CDH13: variants seen among roughly 807,000 people sequenced by gnomAD.
The protein encoded by CDH13 is cadherin-13.
A neutral mutation model predicts 63.8 loss-of-function variants in CDH13; 24 were observed. The ratio of observed to expected loss-of-function variants is 0.38; its 90% CI spans 0.27 to 0.53. The LOEUF is 0.53. Ranked by LOEUF, CDH13 falls within the 20% of genes least tolerant of loss-of-function variation. The pLI, the probability that CDH13 is intolerant of heterozygous loss-of-function variation, is 0.85. For synonymous variants in CDH13, 503 were observed against 355.3 expected, an observed-to-expected ratio of 1.42 and a Z score of -4.67; for missense variants, 1,049 against 903.1, an observed-to-expected ratio of 1.16 and a Z score of -2.07.
chr16:82,921,962 G>C (rs2042169651), intron 2 of CDH13, among the ~76,000 whole-genome samples: 1 of 151,976 alleles, frequency 6.6e-6, no homozygotes, highest in Non-Finnish European at 1.5e-5. Context: ...CTGCTATTAA[G>C]ATTTTTAATT....
intron 11 of CDH13, among the ~76,000 whole-genome samples, chr16:83,753,180 C>T (rs529668800): frequency 6.6e-6 from 1 of 152,238 alleles, no homozygotes; most frequent in East Asian, 1.9e-4. Context: ...TTAAAAGCTC[C>T]TTTTTGCCTC....
At chr16:83,458,994 T>C (rs1469141163) in intron 6 of CDH13, among the ~76,000 whole-genome samples, 1 of 152,272 alleles carries the variant, frequency 6.6e-6, no homozygotes, top group South Asian at 2.1e-4. Flanking sequence ...ATGGGGTTTT[T>C]CTTTTTATTT....
At chr16:83,118,348 A>G (rs2035406632) in intron 3 of CDH13, among the ~76,000 whole-genome samples, 1 of 152,184 alleles carries the variant, frequency 6.6e-6, no homozygotes, top group South Asian at 2.1e-4. Flanking sequence ...TGTTGCATGT[A>G]CATCTGCTCG....
At chr16:83,720,947 C>T (rs78162838) in intron 10 of CDH13, among the ~76,000 whole-genome samples, 22,217 of 152,178 alleles carry the variant, frequency 0.15, 1,916 homozygotes, top group Middle Eastern at 0.27. Flanking sequence ...GTGTGGGAGC[C>T]ATCAGGCCCT....
chr16:83,321,908 T>G (rs2090236092), intron 5 of CDH13, among the ~76,000 whole-genome samples: 1 of 152,150 alleles, frequency 6.6e-6, no homozygotes, highest in Admixed American at 6.5e-5. Context: ...AAATTCTGTG[T>G]GACTATCTTG....
At chr16:83,166,505 G>C (rs929511739) in intron 4 of CDH13, among the ~76,000 whole-genome samples, 5 of 152,028 alleles carry the variant, frequency 3.3e-5, no homozygotes, top group Admixed American at 6.6e-5. Context: ...TATCGTCTCA[G>C]AAACATATGA....
At chr16:83,105,381 T>A (rs1263571597) in intron 3 of CDH13, among the ~76,000 whole-genome samples, 1 of 152,218 alleles carries the variant, frequency 6.6e-6, no homozygotes, top group Non-Finnish European at 1.5e-5. Context: ...ACATGTGAAG[T>A]CGAGGCTGAG....
At chr16:83,720,391 T>G (rs1909533035) in intron 10 of CDH13, among the ~76,000 whole-genome samples, 1 of 152,064 alleles carries the variant, frequency 6.6e-6, no homozygotes, top group South Asian at 2.1e-4. Context: ...TCATCAATAT[T>G]ACACCCAAGT....
intron 8 of CDH13, among the ~76,000 whole-genome samples, chr16:83,620,916 C>T (rs551903742): frequency 1.3e-5 from 2 of 152,250 alleles, no homozygotes; most frequent in South Asian, 4.1e-4. Context: ...GTCCAACATG[C>T]CCCAGACTTG....
At position 83,392,013 on chromosome 16, in the gene CDH13, G is replaced by A. The variant is rs528158378; in HGVS notation, c.781+47007G>A. On this transcript the variant is annotated intron_variant, in intron 6 of 13. Coordinates refer to ENST00000567109, the MANE Select transcript of CDH13 (RefSeq NM_001257.5). ...TGTAGTCAGGAGCTCCATGCATCGC[G>A]GGGTGTCTAACACCTAATTGTCACC... is the stretch of plus-strand genomic sequence containing the variant. 1.8e-4 allele frequency among the ~76,000 whole-genome samples: 27 copies of A among 152,180 alleles called. No homozygotes were observed. The East Asian group carries it at 2.9e-3, about 16-fold the overall frequency.
chr16:82,937,290 T>A (rs1465865325), intron 2 of CDH13, among the ~76,000 whole-genome samples: 4 of 152,188 alleles, frequency 2.6e-5, no homozygotes, highest in Non-Finnish European at 4.4e-5. Flanking sequence ...CAAAGCTGTT[T>A]CCTTACTTCC....
intron 1 of CDH13, among the ~76,000 whole-genome samples, chr16:82,634,683 A>G (rs2150873298): frequency 6.6e-6 from 1 of 152,342 alleles, no homozygotes; most frequent in South Asian, 2.1e-4. Context: ...AGTATTTACT[A>G]TTTAGTCCCT....
intron 5 of CDH13, among the ~76,000 whole-genome samples, chr16:83,221,833 G>C (rs1309801877): frequency 6.6e-6 from 1 of 152,090 alleles, no homozygotes; most frequent in Non-Finnish European, 1.5e-5. Flanking sequence ...GAAGAGAGGA[G>C]CATATGGAAG....
intron 6 of CDH13, among the ~76,000 whole-genome samples, chr16:83,430,963 C>T (rs992138067): frequency 8.0e-6 from 1 of 124,946 alleles, no homozygotes; most frequent in Admixed American, 9.0e-5. Context: ...GCCATCCCTC[C>T]CCCCTCCCCC....
At chr16:83,601,858 G>A (rs536892233) in intron 7 of CDH13, among the ~76,000 whole-genome samples, 6 of 151,968 alleles carry the variant, frequency 3.9e-5, no homozygotes, top group Non-Finnish European at 7.4e-5. Context: ...ACTTTGGGAG[G>A]CTGAGGCAGG....
chr16:83,449,465 G>A (rs1423426214), intron 6 of CDH13, among the ~76,000 whole-genome samples: 4 of 152,218 alleles, frequency 2.6e-5, no homozygotes, highest in African/African-American at 9.7e-5. Context: ...AGAGCAGGAA[G>A]ATGGTGACTT....
chr16:83,646,024 C>T (rs1395002299), intron 8 of CDH13, among the ~76,000 whole-genome samples: 2 of 152,174 alleles, frequency 1.3e-5, no homozygotes, highest in Non-Finnish European at 2.9e-5. Flanking sequence ...AGCCTCGCCC[C>T]GTTGGGAGAA....
chr16:83,123,712 G>T (rs1157734002), intron 3 of CDH13, among the ~76,000 whole-genome samples: 2 of 152,124 alleles, frequency 1.3e-5, no homozygotes, highest in Non-Finnish European at 2.9e-5. Context: ...TTTCCTTTGT[G>T]TATATACCTG....
intron 1 of CDH13, among the ~76,000 whole-genome samples, chr16:82,856,553 T>A (rs1165972152): frequency 1.3e-5 from 2 of 149,164 alleles, no homozygotes; most frequent in African/African-American, 4.9e-5. Flanking sequence ...AATAGAAAAA[T>A]TAGCTGGGCT....
Sources: gnomAD v4.1 joint callset for allele counts (sites outside exome capture counted in the v4.1 genomes callset) on GRCh38, gnomAD v4.1.1 for gene constraint, MANE v1.5 for transcripts, NCBI Gene and HGNC (gene_info 2026-07-23, HGNC 2026-07-21) for gene names.